OXR1: variants seen among roughly 807,000 people sequenced by gnomAD.
OXR1 encodes the protein oxidation resistance protein 1.
OXR1 carries 41 observed loss-of-function variants against 104.6 expected under a neutral mutation model. The ratio of observed to expected loss-of-function variants is 0.39; its 90% confidence interval spans 0.31 to 0.51. OXR1 has a LOEUF of 0.51. Ranked by LOEUF, OXR1 falls within the 20% of genes least tolerant of loss-of-function variation. The pLI is 0.77. For missense variants in OXR1, 955 were observed against 1,031.9 expected, an observed-to-expected ratio of 0.93 and a Z score of 1.02; for synonymous variants, 348 against 348.4, an observed-to-expected ratio of 1.00 and a Z score of 0.01.
chr8:106,399,594 T>C (rs1817920745), intron 2 of OXR1, among the ~76,000 whole-genome samples: 1 of 152,172 alleles, frequency 6.6e-6, no homozygotes, highest in Non-Finnish European at 1.5e-5. Flanking sequence ...ATATGTGACA[T>C]TCAGACTGTG....
At chr8:106,328,424 G>T (rs1356007628) in intron 1 of OXR1, among the ~76,000 whole-genome samples, 1 of 152,194 alleles carries the variant, frequency 6.6e-6, no homozygotes, top group South Asian at 2.1e-4. Flanking sequence ...AGATTATGAT[G>T]ACATTTTTAT....
At chr8:106,698,201 A>C (rs1419075789) in intron 7 of OXR1, among the ~76,000 whole-genome samples, 1 of 152,206 alleles carries the variant, frequency 6.6e-6, no homozygotes, top group African/African-American at 2.4e-5. Flanking sequence ...ATTTCTTTTC[A>C]GAACTTTAAA....
intron 7 of OXR1, among the ~76,000 whole-genome samples, chr8:106,695,930 A>G (rs1346458011): frequency 6.6e-6 from 1 of 152,068 alleles, no homozygotes; most frequent in Non-Finnish European, 1.5e-5. Context: ...CCTTATTAAC[A>G]TCTTGCTTTT....
intron 3 of OXR1, among the ~76,000 whole-genome samples, chr8:106,675,442 T>C (rs1827485162): frequency 6.6e-6 from 1 of 152,210 alleles, no homozygotes; most frequent in Non-Finnish European, 1.5e-5. Flanking sequence ...ATACATCTTA[T>C]AAGTTTCCCT....
chr8:106,300,659 T>G (rs767615645), intron 1 of OXR1, among the ~76,000 whole-genome samples: 1 of 152,190 alleles, frequency 6.6e-6, no homozygotes, highest in Non-Finnish European at 1.5e-5. Context: ...GCATAAGGAC[T>G]GTGCTGTACA....
rs546577655 is a variant in OXR1 at position 106,737,636 on chromosome 8, T to C, written c.2037+36T>C. On this transcript the variant is annotated intron_variant, in intron 12 of 16. Transcript: ENST00000517566. ...CAGTAGTTTAAACCCCTCCAGAGAC[T>C]AAATACTCCCTGTTTTTAGTGTTCT... The C allele has an allele frequency of 1.4e-3, 1,136 of 793,914 alleles. 2 individuals are homozygous for C. Among genetic ancestry groups the C allele is most frequent in the Admixed American group, 3.2e-3 (92 of 28,910 alleles). The allele number at this position is 793,914 out of a possible 1,614,324, so 49.2% of individuals were successfully genotyped here.
chr8:106,416,956 A>G (rs931511610), intron 2 of OXR1, among the ~76,000 whole-genome samples: 1 of 152,090 alleles, frequency 6.6e-6, no homozygotes, highest in Admixed American at 6.6e-5. Flanking sequence ...AGGAATTATC[A>G]AGTTTTCTCT....
rs372606292 is a variant in OXR1 at position 106,731,188 on chromosome 8, T to C, written c.1957-6332T>C. 3.3e-5 allele frequency among the ~76,000 whole-genome samples: 5 copies of C among 152,340 alleles called. No homozygotes were observed. In the East Asian group the frequency reaches 5.8e-4, roughly 18 times the overall value. ...TCTTCTTTAATGAGATGTTTATTCATATCTTTTGTCCATATTTTAATCAGG... is the reference window on the plus strand; with the variant it reads ...TCTTCTTTAATGAGATGTTTATTCACATCTTTTGTCCATATTTTAATCAGG... On this transcript the variant is annotated intron_variant, in intron 11 of 16. Transcript: ENST00000517566.
chr8:106,455,671 C>G (rs1820562159), intron 2 of OXR1, among the ~76,000 whole-genome samples: 1 of 152,106 alleles, frequency 6.6e-6, no homozygotes, highest in African/African-American at 2.4e-5. Context: ...TCAGTCCAAT[C>G]AGTCACCTGG....
intron 1 of OXR1, among the ~76,000 whole-genome samples, chr8:106,296,787 G>C (rs1372748647): frequency 6.6e-6 from 1 of 152,216 alleles, no homozygotes; most frequent in Non-Finnish European, 1.5e-5. Flanking sequence ...AGAGAGGAAA[G>C]ATAACACTGG....
In OXR1 at chr8:106,316,691, T is replaced by TTCTA. The variant is rs10610619; in HGVS notation, c.-138-42762_-138-42759dup. 2.0e-3 allele frequency among the ~76,000 whole-genome samples: 266 copies of TTCTA among 132,378 alleles called. 1 individual carries two copies. Among genetic ancestry groups the TTCTA allele is most frequent in the African/African-American group, 3.9e-3 (132 of 33,908 alleles). The allele number at this position is 132,378 out of a possible 152,430, so 86.8% of individuals were successfully genotyped here. On this transcript the variant is annotated intron_variant, in intron 1 of 16. Coordinates refer to ENST00000517566, the MANE Select transcript of OXR1 (RefSeq NM_001198533.2). ...AATGTATTTGTTTTTCTCTCTTTTT[T>TTCTA]TCTATCTATCTATCTATCTATCTAT...
At chr8:106,606,415 C>G (rs1820399097) in intron 3 of OXR1, among the ~76,000 whole-genome samples, 1 of 151,814 alleles carries the variant, frequency 6.6e-6, no homozygotes, top group Non-Finnish European at 1.5e-5. Flanking sequence ...ATTTTCCTTC[C>G]TCAGCCTCAT....
At chr8:106,372,124 G>T (rs1816731969) in intron 2 of OXR1, among the ~76,000 whole-genome samples, 2 of 152,244 alleles carry the variant, frequency 1.3e-5, no homozygotes, top group African/African-American at 2.4e-5. Context: ...CTGTTCCAGG[G>T]TTGGAACAGT....
chr8:106,495,484 ATT>A (rs1292996878), intron 2 of OXR1, among the ~76,000 whole-genome samples: 1 of 152,190 alleles, frequency 6.6e-6, no homozygotes. Context: ...TTTCTGATCA[ATT>A]ATCCAGTTCC....
At chr8:106,489,832 T>C (rs572915425) in intron 2 of OXR1, among the ~76,000 whole-genome samples, 42 of 152,316 alleles carry the variant, frequency 2.8e-4, no homozygotes, top group Middle Eastern at 3.4e-3. Flanking sequence ...TTTGGGAAAA[T>C]AATTTAACCT....
chr8:106,317,024 C>G (rs950584216), intron 1 of OXR1, among the ~76,000 whole-genome samples: 1 of 152,010 alleles, frequency 6.6e-6, no homozygotes, highest in Non-Finnish European at 1.5e-5. Flanking sequence ...GCATGTGTCA[C>G]CATGCCCAGC....
chr8:106,341,354 A>G (rs1193690314), intron 1 of OXR1, among the ~76,000 whole-genome samples: 1 of 150,988 alleles, frequency 6.6e-6, no homozygotes, highest in Non-Finnish European at 1.5e-5. Flanking sequence ...AAATACTTAC[A>G]TATTGATTTC....
intron 1 of OXR1, among the ~76,000 whole-genome samples, chr8:106,277,599 A>T (rs574289542): frequency 4.9e-4 from 75 of 152,260 alleles, no homozygotes; most frequent in African/African-American, 1.8e-3. Context: ...GCTCTATGTG[A>T]CTCTAAGCAG....
chr8:106,688,435 T>G (rs1828957991), intron 6 of OXR1, among the ~76,000 whole-genome samples: 1 of 151,968 alleles, frequency 6.6e-6, no homozygotes, highest in African/African-American at 2.4e-5. Flanking sequence ...AAAAAAATAC[T>G]TTTAAGAGAT....
Sources: gnomAD v4.1 joint callset for allele counts (sites outside exome capture counted in the v4.1 genomes callset) on GRCh38, gnomAD v4.1.1 for gene constraint, MANE v1.5 for transcripts, NCBI Gene and HGNC (gene_info 2026-07-23, HGNC 2026-07-21) for gene names.